Variants in KIF3B observed in about 807,000 individuals in gnomAD.
KIF3B encodes kinesin-like protein KIF3B.
A neutral mutation model predicts 74.3 loss-of-function variants in KIF3B; 38 were observed. That is an observed-to-expected ratio of 0.51 (90% confidence interval 0.39 to 0.67). The LOEUF is 0.67. Ranked by LOEUF, KIF3B falls within the 30% of genes least tolerant of loss-of-function variation. KIF3B has a pLI of 0.00. For missense variants in KIF3B, 649 were observed against 932.0 expected, an observed-to-expected ratio of 0.70 and a Z score of 3.95; for synonymous variants, 326 against 342.5, an observed-to-expected ratio of 0.95 and a Z score of 0.53.
intron 1 of KIF3B, among the ~76,000 whole-genome samples, chr20:32,303,533 C>A (rs1019268635): frequency 1.3e-5 from 2 of 149,870 alleles, no homozygotes; most frequent in Admixed American, 1.3e-4. Context: ...CCACTGTACT[C>A]CAGCCTGGGT....
intron 1 of KIF3B, among the ~76,000 whole-genome samples, chr20:32,308,757 G>A (rs529744130): frequency 1.4e-5 from 2 of 142,386 alleles, no homozygotes; most frequent in Admixed American, 7.3e-5. Context: ...ACGGAGTCTC[G>A]CTTTGTCACC....
At chr20:32,298,569 A>G (rs530203732) in intron 1 of KIF3B, among the ~76,000 whole-genome samples, 1 of 152,204 alleles carries the variant, frequency 6.6e-6, no homozygotes, top group Admixed American at 6.5e-5. Context: ...AAGTTGAAAT[A>G]TCCTTCCCAT....
chr20:32,319,092 C>T (rs1172680545), intron 5 of KIF3B, among the ~76,000 whole-genome samples: 3 of 151,912 alleles, frequency 2.0e-5, no homozygotes, highest in Non-Finnish European at 2.9e-5. Context: ...TCTGGAATAG[C>T]TGGGACTATA....
intron 5 of KIF3B, among the ~76,000 whole-genome samples, chr20:32,323,251 A>G (rs1299365713): frequency 1.4e-5 from 2 of 145,280 alleles, no homozygotes; most frequent in African/African-American, 5.1e-5. Flanking sequence ...AAAAAAATTA[A>G]GTTTCTTAGT....
At chr20:32,309,035 A>G (rs943202155) in intron 1 of KIF3B, among the ~76,000 whole-genome samples, 2 of 151,524 alleles carry the variant, frequency 1.3e-5, no homozygotes, top group African/African-American at 4.8e-5. Flanking sequence ...CTTTATTTTT[A>G]AGATAGAGTC....
At chr20:32,300,304 G>C (rs1314019223) in intron 1 of KIF3B, among the ~76,000 whole-genome samples, 1 of 151,726 alleles carries the variant, frequency 6.6e-6, no homozygotes. Flanking sequence ...TTGAGACAGA[G>C]TCTCTCTCTG....
intron 5 of KIF3B, among the ~76,000 whole-genome samples, chr20:32,319,752 A>G (rs1438360721): frequency 6.7e-6 from 1 of 149,930 alleles, no homozygotes; most frequent in African/African-American, 2.5e-5. Flanking sequence ...TGCCCGGCTG[A>G]TTTTTGTATT....
chr20:32,298,234 G>A lies in KIF3B; in HGVS notation c.-65-11479G>A, dbSNP rs371253193. Among the ~76,000 whole-genome samples, 84 of 152,058 alleles carry A rather than the reference G, an allele frequency of 5.5e-4. 1 individual carries two copies. The East Asian group carries it at 6.8e-3, about 12-fold the overall frequency. ...GTGGGTCACTTGAGGCTGGGAGTTC[G>A]AGACCAGCCTGGCCAACATGGCAAA... On this transcript the variant is annotated intron_variant, in intron 1 of 8. Transcript: ENST00000375712.
intron 1 of KIF3B, among the ~76,000 whole-genome samples, chr20:32,291,238 G>T (rs1179458212): frequency 6.6e-6 from 1 of 152,024 alleles, no homozygotes; most frequent in African/African-American, 2.4e-5. Flanking sequence ...GATTAAGAGG[G>T]TAAATTTTAT....
At chr20:32,316,380 C>G (rs912482333) in intron 3 of KIF3B, 61 bp downstream of exon 3, 1 of 1,528,880 alleles carries the variant, frequency 6.5e-7, no homozygotes, top group Non-Finnish European at 9.1e-7. Context: ...TGCTGCAGAG[C>G]AAACGTCTCA....
intron 1 of KIF3B, among the ~76,000 whole-genome samples, chr20:32,298,122 A>T (rs2047724908): frequency 7.5e-6 from 1 of 133,520 alleles, no homozygotes. Flanking sequence ...AAAAAAAAAA[A>T]TTGTTGTTTT....
intron 5 of KIF3B, among the ~76,000 whole-genome samples, chr20:32,317,094 G>A (rs1436187047): frequency 6.8e-6 from 1 of 147,854 alleles, no homozygotes; most frequent in African/African-American, 2.4e-5. Flanking sequence ...AAAATTAGCT[G>A]GGCGTGGTGG....
chr20:32,297,044 G>A (rs894752648), intron 1 of KIF3B, among the ~76,000 whole-genome samples: 3 of 152,054 alleles, frequency 2.0e-5, no homozygotes, highest in Non-Finnish European at 4.4e-5. Context: ...TGCTTCCCCC[G>A]AGAGAAGCCT....
chr20:32,329,507 C>G (rs1436307443), intron 7 of KIF3B, among the ~76,000 whole-genome samples: 1 of 152,102 alleles, frequency 6.6e-6, no homozygotes, highest in Non-Finnish European at 1.5e-5. Context: ...CAGCTGAGCA[C>G]TTGCTGTGTG....
At chr20:32,313,836 A>G (rs1298563151) in intron 2 of KIF3B, among the ~76,000 whole-genome samples, 1 of 152,096 alleles carries the variant, frequency 6.6e-6, no homozygotes, top group East Asian at 1.9e-4. Flanking sequence ...GCCTTCGAGT[A>G]TCTGGGACTA....
intron 1 of KIF3B, among the ~76,000 whole-genome samples, chr20:32,304,883 G>A (rs577728759): frequency 6.6e-6 from 1 of 151,998 alleles, no homozygotes; most frequent in African/African-American, 2.4e-5. Context: ...GCTCACGCCT[G>A]TAATCCCACC....
At chr20:32,294,335 T>C (rs2047706762) in intron 1 of KIF3B, among the ~76,000 whole-genome samples, 1 of 152,180 alleles carries the variant, frequency 6.6e-6, no homozygotes, top group Non-Finnish European at 1.5e-5. Context: ...TACTTGACTG[T>C]GACGTTTTTA....
intron 1 of KIF3B, among the ~76,000 whole-genome samples, chr20:32,308,754 C>A (rs1364225892): frequency 7.1e-6 from 1 of 141,778 alleles, no homozygotes; most frequent in Non-Finnish European, 1.5e-5. Context: ...GAGACGGAGT[C>A]TCGCTTTGTC....
chr20:32,307,019 A>T (rs1262318090), intron 1 of KIF3B, among the ~76,000 whole-genome samples: 1 of 152,190 alleles, frequency 6.6e-6, no homozygotes, highest in Non-Finnish European at 1.5e-5. Context: ...TAACATGCAT[A>T]TATCCCCCCT....
Sources: gnomAD v4.1 joint callset for allele counts (sites outside exome capture counted in the v4.1 genomes callset) on GRCh38, gnomAD v4.1.1 for gene constraint, MANE v1.5 for transcripts, NCBI Gene and HGNC (gene_info 2026-07-23, HGNC 2026-07-21) for gene names.